DHX15: variants seen among roughly 807,000 people sequenced by gnomAD.
DHX15 encodes DEAH-box helicase 15, also known as ATP-dependent RNA helicase DHX15.
In DHX15, 11 loss-of-function variants were observed where a neutral mutation model predicts 94.4. That is an observed-to-expected ratio of 0.12 (90% confidence interval 0.07 to 0.19). DHX15 has a LOEUF of 0.19. DHX15 is among the 10% of genes least tolerant of loss of function. The probability of loss-of-function intolerance (pLI) is 1.00; values close to 1 mark genes in which losing one functional copy is unlikely to be tolerated. For missense variants in DHX15, 304 were observed against 988.5 expected, an observed-to-expected ratio of 0.31 and a Z score of 9.29; for synonymous variants, 338 against 329.9, an observed-to-expected ratio of 1.02 and a Z score of -0.27.
At chr4:24,569,362 G>A (rs926879489) in intron 3 of DHX15, among the ~76,000 whole-genome samples, 1 of 152,080 alleles carries the variant, frequency 6.6e-6, no homozygotes, top group Non-Finnish European at 1.5e-5. Context: ...GGAGGCTGAG[G>A]CGGGCGGATC....
intron 6 of DHX15, among the ~76,000 whole-genome samples, chr4:24,545,887 A>G (rs912803685): frequency 1.3e-5 from 2 of 152,208 alleles, no homozygotes; most frequent in African/African-American, 4.8e-5. Flanking sequence ...TTCAAACCGC[A>G]TTGACTAATA....
chr4:24,563,167 C>CAT lies in DHX15; in HGVS notation c.702-6759_702-6758dup, dbSNP rs1721919500. On this transcript the variant is annotated intron_variant, in intron 3 of 13. Coordinates refer to ENST00000336812, the MANE Select transcript of DHX15 (RefSeq NM_001358.3). ...ATATATAATCTATATATAAGAAATA[C>CAT]ATATATATGTATGTATATATTTTAA... is the stretch of plus-strand genomic sequence containing the variant. The CAT allele has an allele frequency of 3.3e-5, 5 of 151,040 alleles. No homozygotes were observed. In the South Asian group the frequency reaches 1.0e-3, roughly 31 times the overall value. 9.4% of individuals were successfully genotyped at this position (151,040 alleles called of 1,614,324 possible). A position where few individuals can be genotyped will look rare whatever the true frequency, so the allele number is the denominator to read the frequency against.
chr4:24,576,008 C>T (rs1052840004), intron 2 of DHX15, among the ~76,000 whole-genome samples: 5 of 152,150 alleles, frequency 3.3e-5, no homozygotes, highest in Non-Finnish European at 4.4e-5. Context: ...CTCTGCCATA[C>T]ATAAGGTAAC....
intron 12 of DHX15, chr4:24,530,902 A>G (rs528653904): frequency 6.6e-6 from 1 of 152,052 alleles, no homozygotes; most frequent in South Asian, 2.1e-4. Context: ...TTTCTAATAA[A>G]TTTTTTGTTT....
chr4:24,542,377 C>T (rs889362227), intron 7 of DHX15, among the ~76,000 whole-genome samples: 2 of 152,226 alleles, frequency 1.3e-5, no homozygotes, highest in African/African-American at 2.4e-5. Context: ...CAAAACTCGA[C>T]GGTCTGAGTA....
At chr4:24,547,214 A>C (rs1240676088) in intron 6 of DHX15, among the ~76,000 whole-genome samples, 1 of 152,228 alleles carries the variant, frequency 6.6e-6, no homozygotes, top group African/African-American at 2.4e-5. Context: ...GAGGTCCTAC[A>C]GTTTCGGCTG....
intron 2 of DHX15, among the ~76,000 whole-genome samples, chr4:24,573,409 C>A (rs1028530394): frequency 6.6e-6 from 1 of 152,196 alleles, no homozygotes; most frequent in African/African-American, 2.4e-5. Context: ...TTAGAGCTAA[C>A]GGTCATTTCC....
intron 12 of DHX15, chr4:24,530,285 T>C (rs1013786144): frequency 2.5e-5 from 4 of 159,350 alleles, no homozygotes; most frequent in African/African-American, 9.7e-5. Flanking sequence ...TACCAGAACA[T>C]TCATGTCTAA....
At chr4:24,540,339 G>A (rs1034922294) in intron 9 of DHX15, 40 bp from the exon 10 acceptor site, 1 of 1,536,422 alleles carries the variant, frequency 6.5e-7, no homozygotes, top group Admixed American at 2.1e-5. Flanking sequence ...GGTGCCTTAA[G>A]CAAGCAAAAA....
chr4:24,530,044 G>A, intron 12 of DHX15: 1 of 479,200 alleles, frequency 2.1e-6, no homozygotes, highest in East Asian at 4.0e-5. Flanking sequence ...ATTCCGTGAA[G>A]CATGAGTAGC....
At chr4:24,533,250 A>G (rs1345968878) in intron 11 of DHX15, 196 bp from the exon 12 acceptor site, 1 of 588,448 alleles carries the variant, frequency 1.7e-6, no homozygotes, top group Non-Finnish European at 3.0e-6. Context: ...CATTAGAAAC[A>G]GTAACAAGGC....
At chr4:24,561,961 C>T (rs1331186245) in intron 3 of DHX15, among the ~76,000 whole-genome samples, 1 of 151,936 alleles carries the variant, frequency 6.6e-6, no homozygotes, top group Non-Finnish European at 1.5e-5. Context: ...GAAATCCCAT[C>T]TCTACCAAAA....
chr4:24,556,150 C>A, intron 4 of DHX15, 101 bp downstream of exon 4: 1 of 914,012 alleles, frequency 1.1e-6, no homozygotes, highest in South Asian at 2.7e-5. Flanking sequence ...CCTTCTTTTA[C>A]AGGTGATTTC....
chr4:24,568,028 T>C (rs1221099162), intron 3 of DHX15, among the ~76,000 whole-genome samples: 2 of 152,206 alleles, frequency 1.3e-5, no homozygotes, highest in Non-Finnish European at 2.9e-5. Flanking sequence ...CTAAAATTTA[T>C]GAATAGGTAT....
intron 5 of DHX15, among the ~76,000 whole-genome samples, chr4:24,550,853 A>G (rs182516024): frequency 1.3e-5 from 2 of 152,342 alleles, no homozygotes; most frequent in Non-Finnish European, 2.9e-5. Flanking sequence ...ATAATTGTAC[A>G]TACTATATAG....
At chr4:24,574,641 A>C (rs1020267425) in intron 2 of DHX15, among the ~76,000 whole-genome samples, 3 of 152,182 alleles carry the variant, frequency 2.0e-5, no homozygotes, top group Admixed American at 1.3e-4. Context: ...CAAAATCCAT[A>C]ATCCATGTAA....
At chr4:24,536,433 A>G (rs1189573466) in intron 11 of DHX15, among the ~76,000 whole-genome samples, 1 of 152,228 alleles carries the variant, frequency 6.6e-6, no homozygotes, top group Non-Finnish European at 1.5e-5. Context: ...AACTTTTCAT[A>G]AAGACCACAA....
At chr4:24,554,973 T>C (rs754528758) in intron 4 of DHX15, 30 bp from the exon 5 acceptor site, 88 of 1,553,694 alleles carry the variant, frequency 5.7e-5, no homozygotes, top group Non-Finnish European at 7.5e-5. Flanking sequence ...TATTTGAAGC[T>C]GTCTTCAAGG....
chr4:24,573,300 G>C (rs1230070664), intron 2 of DHX15, among the ~76,000 whole-genome samples: 2 of 152,104 alleles, frequency 1.3e-5, no homozygotes, highest in Non-Finnish European at 2.9e-5. Context: ...CGGTGTTCTA[G>C]TCTTCTTGTT....
Sources: gnomAD v4.1 joint callset for allele counts (sites outside exome capture counted in the v4.1 genomes callset) on GRCh38, gnomAD v4.1.1 for gene constraint, MANE v1.5 for transcripts, NCBI Gene and HGNC (gene_info 2026-07-23, HGNC 2026-07-21) for gene names.